Variants in SH3GL2 observed in about 807,000 individuals in gnomAD.
SH3GL2 encodes the protein endophilin-A1.
Under a neutral mutation model 46.0 loss-of-function variants are expected in SH3GL2, and 24 were observed. The ratio of observed to expected loss-of-function variants is 0.52; its 90% CI spans 0.38 to 0.73. The LOEUF (loss-of-function observed/expected upper bound fraction) is 0.73. SH3GL2 is among the 30% of genes least tolerant of loss of function. The pLI, the probability that SH3GL2 is intolerant of heterozygous loss-of-function variation, is 0.00. For missense variants in SH3GL2, 413 were observed against 424.2 expected (o/e 0.97, Z 0.23); for synonymous variants, 196 against 147.1 (o/e 1.33, Z -2.40).
At chr9:17,629,832 C>G (rs972240399) in intron 1 of SH3GL2, among the ~76,000 whole-genome samples, 5 of 152,116 alleles carry the variant, frequency 3.3e-5, no homozygotes, top group Admixed American at 6.6e-5. Flanking sequence ...GTTCTGTAGT[C>G]CTGTTTATGC....
chr9:17,650,281 AG>A (rs1219139226), intron 1 of SH3GL2, among the ~76,000 whole-genome samples: 1 of 152,266 alleles, frequency 6.6e-6, no homozygotes, highest in Non-Finnish European at 1.5e-5. Flanking sequence ...AGTACACAAA[AG>A]AACGTGATAT....
chr9:17,761,165 T>C (rs1823159165), intron 2 of SH3GL2, among the ~76,000 whole-genome samples: 1 of 152,212 alleles, frequency 6.6e-6, no homozygotes, highest in Admixed American at 6.5e-5. Flanking sequence ...ATTCACCTTA[T>C]TTTCACCAGA....
chr9:17,611,681 A>C (rs1471115056), intron 1 of SH3GL2, among the ~76,000 whole-genome samples: 1 of 152,182 alleles, frequency 6.6e-6, no homozygotes, highest in Non-Finnish European at 1.5e-5. Context: ...TGCCTCTCAG[A>C]ATATGTCTGG....
intron 3 of SH3GL2, among the ~76,000 whole-genome samples, chr9:17,785,894 A>G (rs760819565): frequency 2.6e-5 from 4 of 152,208 alleles, no homozygotes; most frequent in East Asian, 1.9e-4. Flanking sequence ...CATACATGGT[A>G]TAAGTGAAAC....
At chr9:17,750,140 G>A (rs1250836374) in intron 2 of SH3GL2, among the ~76,000 whole-genome samples, 1 of 152,168 alleles carries the variant, frequency 6.6e-6, no homozygotes, top group Non-Finnish European at 1.5e-5. Context: ...TAATTGAAAA[G>A]CACTTGCTTT....
chr9:17,637,768 C>T (rs541114069), intron 1 of SH3GL2, among the ~76,000 whole-genome samples: 7 of 152,266 alleles, frequency 4.6e-5, no homozygotes, highest in Non-Finnish European at 8.8e-5. Flanking sequence ...AGTCACAGCA[C>T]GTAATGAAGT....
rs2131199100 is a variant in SH3GL2, at chr9:17,795,929, T to C, written c.*186T>C. ...GTCATGGTGATGGATGATATCCTCT[T>C]AGCCTGGTGGGCGTGGCATGTGCTT... On this transcript the variant is annotated 3_prime_UTR_variant, in exon 9 of 9. Transcript: ENST00000380607. 1 of 583,026 alleles carries C rather than the reference T, an allele frequency of 1.7e-6. No individual in the cohort carries two copies. Among genetic ancestry groups the C allele is most frequent in the Middle Eastern group, 4.6e-4 (1 of 2,196 alleles). 36.1% of individuals were successfully genotyped at this position (583,026 alleles called of 1,614,324 possible). A position where few individuals can be genotyped will look rare whatever the true frequency, so the allele number is the denominator to read the frequency against.
chr9:17,793,299 A>G (rs1339106236), intron 7 of SH3GL2, 68 bp from the exon 8 acceptor site: 11 of 1,398,066 alleles, frequency 7.9e-6, no homozygotes, highest in African/African-American at 2.9e-5. Context: ...CTGAATCTTT[A>G]TATTTGCTTT....
At chr9:17,650,889 C>T (rs552256030) in intron 1 of SH3GL2, among the ~76,000 whole-genome samples, 1 of 152,124 alleles carries the variant, frequency 6.6e-6, no homozygotes, top group Non-Finnish European at 1.5e-5. Context: ...CACTGGTCAT[C>T]TTATGTCCTT....
intron 2 of SH3GL2, among the ~76,000 whole-genome samples, chr9:17,749,549 C>A (rs953031994): frequency 6.6e-6 from 1 of 152,078 alleles, no homozygotes; most frequent in Non-Finnish European, 1.5e-5. Context: ...AACTAAGTAC[C>A]AGGAATCAGA....
intron 1 of SH3GL2, among the ~76,000 whole-genome samples, chr9:17,604,077 A>G (rs923527133): frequency 2.6e-5 from 4 of 152,190 alleles, no homozygotes; most frequent in African/African-American, 9.7e-5. Context: ...GCTTGTTACA[A>G]AACTGCTGGT....
At chr9:17,687,096 G>A (rs1820934695) in intron 1 of SH3GL2, among the ~76,000 whole-genome samples, 3 of 152,022 alleles carry the variant, frequency 2.0e-5, no homozygotes, top group African/African-American at 7.2e-5. Context: ...GTAATAGTAA[G>A]AATTTAAGAT....
intron 1 of SH3GL2, among the ~76,000 whole-genome samples, chr9:17,668,735 C>T (rs779216044): frequency 1.3e-5 from 2 of 152,166 alleles, no homozygotes; most frequent in Non-Finnish European, 2.9e-5. Flanking sequence ...TAGCTCACTG[C>T]AACCTCAAAG....
intron 1 of SH3GL2, among the ~76,000 whole-genome samples, chr9:17,637,670 G>A (rs1819570905): frequency 2.0e-5 from 3 of 152,126 alleles, no homozygotes. Flanking sequence ...TGTCCTTTCT[G>A]AGCCTTAGCC....
chr9:17,653,865 A>G, intron 1 of SH3GL2: 1 of 982,262 alleles, frequency 1.0e-6, no homozygotes, highest in African/African-American at 1.7e-5. Context: ...GACATTAACA[A>G]GGGGCTGATG....
chr9:17,650,181 A>G (rs934256725), intron 1 of SH3GL2, among the ~76,000 whole-genome samples: 53 of 152,326 alleles, frequency 3.5e-4, no homozygotes, highest in African/African-American at 1.3e-3. Context: ...AATATTGCAC[A>G]TGCTGTGTTT....
At chr9:17,637,270 G>A (rs1819563120) in intron 1 of SH3GL2, among the ~76,000 whole-genome samples, 1 of 152,172 alleles carries the variant, frequency 6.6e-6, no homozygotes, top group Non-Finnish European at 1.5e-5. Context: ...TATTAAGTGA[G>A]TAAAGGAATG....
intron 1 of SH3GL2, among the ~76,000 whole-genome samples, chr9:17,612,518 G>C (rs1244897872): frequency 6.6e-6 from 1 of 152,132 alleles, no homozygotes; most frequent in African/African-American, 2.4e-5. Context: ...TTGAAATACA[G>C]AGGACCAGAA....
chr9:17,732,272 G>A (rs1410927055), intron 1 of SH3GL2, among the ~76,000 whole-genome samples: 3 of 152,078 alleles, frequency 2.0e-5, no homozygotes, highest in Non-Finnish European at 4.4e-5. Context: ...CTCAAGGTTT[G>A]CCACTGGAAG....
Sources: allele counts gnomAD v4.1 joint callset (sites outside exome capture counted in the v4.1 genomes callset), GRCh38; gene constraint gnomAD v4.1.1; transcripts MANE v1.5; gene names NCBI Gene and HGNC (gene_info 2026-07-23, HGNC 2026-07-21).